The following KMT2C variants were observed in gnomAD, a reference collection of about 807,000 sequenced individuals.
KMT2C encodes the protein lysine methyltransferase 2C.
KMT2C carries 88 observed loss-of-function variants against 507.9 expected under a neutral mutation model. The ratio of observed to expected loss-of-function variants is 0.17; its 90% confidence interval spans 0.15 to 0.21. The LOEUF (loss-of-function observed/expected upper bound fraction) is 0.21, where lower values mean the gene tolerates loss of function less well. Ranked by LOEUF, KMT2C falls within the 10% of genes least tolerant of loss-of-function variation. The probability of loss-of-function intolerance (pLI) is 1.00; values close to 1 mark genes in which losing one functional copy is unlikely to be tolerated. For synonymous variants in KMT2C, 2,049 were observed against 2,080.8 expected, an observed-to-expected ratio of 0.98 and a Z score of 0.42; for missense variants, 4,954 against 5,957.8, an observed-to-expected ratio of 0.83 and a Z score of 5.55.
intron 9 of KMT2C, among the ~76,000 whole-genome samples, chr7:152,262,465 C>T (rs1262932986): frequency 6.6e-6 from 1 of 152,232 alleles, no homozygotes; most frequent in Non-Finnish European, 1.5e-5. Flanking sequence ...ACGCCTCACC[C>T]TGAAGGGGCA....
Position 152,187,487 on chromosome 7 carries a change from A to T in KMT2C, c.4794-11T>A, listed in dbSNP as rs1171175918. The T allele has an allele frequency of 1.3e-6, 2 of 1,599,900 alleles. No homozygotes were observed. The highest frequency in any genetic ancestry group is 1.7e-6 in the Non-Finnish European group (2 of 1,167,524). ...GCTGAATTTTTATCCCTGGGAAAAA[A>T]TAAATATCTTTACTTTATGAACATA... On this transcript the variant is annotated splice_polypyrimidine_tract_variant and intron_variant, in intron 32 of 58. Coordinates refer to ENST00000262189, the MANE Select transcript of KMT2C (RefSeq NM_170606.3).
At chr7:152,279,308 TGTG>T in intron 6 of KMT2C, among the ~76,000 whole-genome samples, 1 of 152,276 alleles carries the variant, frequency 6.6e-6, no homozygotes, top group African/African-American at 2.4e-5. Context: ...ACGTGGCAAA[TGTG>T]GTCTTCAGAG....
chr7:152,368,127 C>A, intron 1 of KMT2C: 1 of 932,972 alleles, frequency 1.1e-6, no homozygotes, highest in Non-Finnish European at 1.8e-6. Flanking sequence ...AAGTTAATGG[C>A]AAAAGGGTCA....
chr7:152,233,170 T>C (rs541411332), intron 16 of KMT2C, among the ~76,000 whole-genome samples: 1 of 152,290 alleles, frequency 6.6e-6, no homozygotes, highest in East Asian at 1.9e-4. Flanking sequence ...TAATTGTCCA[T>C]GCAAGAAAGA....
chr7:152,302,191 G>C (rs138267666), intron 6 of KMT2C, among the ~76,000 whole-genome samples: 2 of 152,234 alleles, frequency 1.3e-5, no homozygotes, highest in African/African-American at 4.8e-5. Context: ...AATTCTATGA[G>C]GGGAGACAAC....
chr7:152,392,884 G>GC lies in KMT2C; in HGVS notation c.162-34210dup, dbSNP rs201215010. 9.6e-3 allele frequency among the ~76,000 whole-genome samples: 1,463 copies of GC among 152,234 alleles called. 13 individuals are homozygous for GC. The highest frequency in any genetic ancestry group is 0.016 in the Non-Finnish European group (1,055 of 68,006). On this transcript the variant is annotated intron_variant, in intron 1 of 58. Coordinates refer to ENST00000262189, the MANE Select transcript of KMT2C (RefSeq NM_170606.3). ...TGTTATATAATAAGCCAGTTTATCA[G>GC]CTTTTTTTGAAGGAAGAAAGGGCAA...
chr7:152,201,739 G>T (rs1297145912), intron 26 of KMT2C, among the ~76,000 whole-genome samples: 1 of 150,930 alleles, frequency 6.6e-6, no homozygotes, highest in Non-Finnish European at 1.5e-5. Context: ...AGAGATTGAG[G>T]GGAAAAACAT....
chr7:152,251,455 A>C (rs1308530794), intron 11 of KMT2C, among the ~76,000 whole-genome samples: 2 of 152,240 alleles, frequency 1.3e-5, no homozygotes, highest in East Asian at 3.8e-4. Context: ...AAAATGAAAA[A>C]CAATCTGGCG....
At chr7:152,429,520 CT>C (rs59949422) in intron 1 of KMT2C, among the ~76,000 whole-genome samples, 71 of 146,350 alleles carry the variant, frequency 4.9e-4, no homozygotes, top group East Asian at 6.0e-4. Flanking sequence ...TGGTCTATTA[CT>C]TTTTTTTTTT....
In KMT2C at chr7:152,287,948, C is replaced by A. The variant is rs573154097; in HGVS notation, c.850-14081G>T. ...CTGAGGCATGAGAATCACTTAAACCCAGGAAGCAGAGGTTGCAGTGAGCTG... is the reference window on the plus strand; with the variant it reads ...CTGAGGCATGAGAATCACTTAAACCAAGGAAGCAGAGGTTGCAGTGAGCTG... On this transcript the variant is annotated intron_variant, in intron 6 of 58. Transcript: ENST00000262189. Among the ~76,000 whole-genome samples the A allele has an allele frequency of 8.3e-5, 12 of 144,374 alleles. No homozygotes were observed. The South Asian group carries it at 2.6e-3, about 31-fold the overall frequency. 94.7% of individuals were successfully genotyped at this position (144,374 alleles called of 152,430 possible). A position where few individuals can be genotyped will look rare whatever the true frequency, so the allele number is the denominator to read the frequency against.
Position 152,178,015 on chromosome 7 carries a change from T to TAA in KMT2C, c.7443-7_7443-6dup, listed in dbSNP as rs746018833. 2,199 of 810,128 alleles carry TAA rather than the reference T, an allele frequency of 2.7e-3. 5 individuals carry two copies. The highest frequency in any genetic ancestry group is 3.9e-3 in the African/African-American group (125 of 32,406). The allele number at this position is 810,128 out of a possible 1,614,324, so 50.2% of individuals were successfully genotyped here. ...CTACCTCCTGGAAATCCAAATCTTTTAAAAAAAAAAAAAAAAAAAAAAAAA... is the reference window on the plus strand; with the variant it reads ...CTACCTCCTGGAAATCCAAATCTTTTAAAAAAAAAAAAAAAAAAAAAAAAAAA... On this transcript the variant is annotated splice_polypyrimidine_tract_variant and splice_region_variant and intron_variant, in intron 37 of 58. Transcript: ENST00000262189.
chr7:152,342,224 A>G (rs1383723515), intron 2 of KMT2C, among the ~76,000 whole-genome samples: 1 of 152,268 alleles, frequency 6.6e-6, no homozygotes, highest in Non-Finnish European at 1.5e-5. Flanking sequence ...ATTTTGATAC[A>G]TAACTCAAGG....
At chr7:152,370,556 C>A (rs369115399) in intron 1 of KMT2C, among the ~76,000 whole-genome samples, 16 of 152,174 alleles carry the variant, frequency 1.1e-4, no homozygotes, top group East Asian at 9.7e-4. Context: ...AAAGACAGTA[C>A]AAAGAAGCAA....
chr7:152,316,165 G>T (rs1384459437), intron 3 of KMT2C, among the ~76,000 whole-genome samples: 1 of 152,146 alleles, frequency 6.6e-6, no homozygotes, highest in Admixed American at 6.5e-5. Context: ...CTGGAAGAAG[G>T]AAAGGGATGA....
At chr7:152,259,059 C>T (rs1335682723) in intron 9 of KMT2C, among the ~76,000 whole-genome samples, 1 of 151,794 alleles carries the variant, frequency 6.6e-6, no homozygotes, top group Non-Finnish European at 1.5e-5. Flanking sequence ...ATAATGCATG[C>T]CTCTCATCTA....
At chr7:152,261,332 CA>C (rs1448997300) in intron 9 of KMT2C, among the ~76,000 whole-genome samples, 1 of 152,034 alleles carries the variant, frequency 6.6e-6, no homozygotes, top group Admixed American at 6.5e-5. Flanking sequence ...ATAACAGCCA[CA>C]AGGTATTTGT....
intron 6 of KMT2C, among the ~76,000 whole-genome samples, chr7:152,305,681 A>G (rs910531379): frequency 6.6e-6 from 1 of 152,146 alleles, no homozygotes; most frequent in African/African-American, 2.4e-5. Flanking sequence ...TGAAAATGCA[A>G]TATTATCATT....
chr7:152,226,754 T>C (rs1398138437), intron 18 of KMT2C, among the ~76,000 whole-genome samples: 1 of 152,164 alleles, frequency 6.6e-6, no homozygotes, highest in East Asian at 1.9e-4. Flanking sequence ...GAGGGCCATA[T>C]GATCTGTTGC....
intron 28 of KMT2C, chr7:152,195,605 C>T: frequency 1.1e-6 from 1 of 935,890 alleles, no homozygotes. Flanking sequence ...GGATGATTAC[C>T]ACAGGAGCAG....
Sources: gnomAD v4.1 joint callset for allele counts (sites outside exome capture counted in the v4.1 genomes callset) on GRCh38, gnomAD v4.1.1 for gene constraint, MANE v1.5 for transcripts, NCBI Gene and HGNC (gene_info 2026-07-23, HGNC 2026-07-21) for gene names.